CDH20: variants seen among roughly 807,000 people sequenced by gnomAD.
The protein encoded by CDH20 is cadherin-20.
Under a neutral mutation model 74.2 loss-of-function variants are expected in CDH20, and 29 were observed. That is an observed-to-expected ratio of 0.39 (90% CI 0.29 to 0.53). CDH20 has a LOEUF of 0.53. Ranked by LOEUF, CDH20 falls within the 20% of genes least tolerant of loss-of-function variation. The pLI, the probability that CDH20 is intolerant of heterozygous loss-of-function variation, is 0.69. For missense variants in CDH20, 988 were observed against 1,048.3 expected (o/e 0.94, Z 0.79); for synonymous variants, 469 against 405.4 (o/e 1.16, Z -1.88).
In CDH20 at chr18:61,555,641, G is replaced by C. The variant is rs1913603939; in HGVS notation, c.*946G>C. ...AGATAACCTACTTGAACAAAAATCA[G>C]TATTATAGAGAATAAATGGATGTAA... On this transcript the variant is annotated 3_prime_UTR_variant, in exon 12 of 12. Coordinates refer to ENST00000262717, the MANE Select transcript of CDH20 (RefSeq NM_031891.4). 1 of 982,752 alleles carries C rather than the reference G, an allele frequency of 1.0e-6. No individual in the cohort carries two copies. Among genetic ancestry groups the C allele is most frequent in the Non-Finnish European group, 1.2e-6 (1 of 827,534 alleles). The allele number at this position is 982,752 out of a possible 1,614,324, so 60.9% of individuals were successfully genotyped here. A position where few individuals can be genotyped will look rare whatever the true frequency, so the allele number is the denominator to read the frequency against.
chr18:61,468,949 CA>C (rs1436783096), intron 1 of CDH20, among the ~76,000 whole-genome samples: 4 of 152,158 alleles, frequency 2.6e-5, no homozygotes, highest in Admixed American at 1.3e-4. Flanking sequence ...ATTCATCCCA[CA>C]AATCTCAACA....
intron 1 of CDH20, among the ~76,000 whole-genome samples, chr18:61,348,765 G>T (rs142810254): frequency 6.3e-4 from 96 of 152,284 alleles, no homozygotes; most frequent in African/African-American, 2.3e-3. Context: ...AGAAGAAAAG[G>T]AACATTCGGA....
At position 61,536,554 on chromosome 18, in the gene CDH20, GC is replaced by G; in HGVS notation, c.1336del (p.Leu446Ter). The G allele has an allele frequency of 6.2e-7, 1 of 1,613,268 alleles. No homozygotes were observed. The highest frequency in any genetic ancestry group is 8.5e-7 in the Non-Finnish European group (1 of 1,179,258). The part of the protein sequence containing the change: ...RFFYVDITTG[A>X]LMTARPLDRE... The stretch of plus-strand genomic sequence containing the variant: ...TTTCTATGTTGACATTACAACAGGT[GC>G]CCTAATGACAGCAAGACCCCTAGAC... On this transcript the variant is annotated frameshift_variant, in exon 8 of 12. Transcript: ENST00000262717. LOFTEE classifies it high-confidence loss of function.
chr18:61,341,680 T>C (rs1454919322), intron 1 of CDH20, among the ~76,000 whole-genome samples: 1 of 152,218 alleles, frequency 6.6e-6, no homozygotes, highest in Non-Finnish European at 1.5e-5. Context: ...GTAGGCTTTT[T>C]TGGAATATTA....
chr18:61,529,344 C>T (rs973809667), intron 7 of CDH20, among the ~76,000 whole-genome samples: 2 of 152,272 alleles, frequency 1.3e-5, no homozygotes, highest in East Asian at 1.9e-4. Context: ...TTAATGAAAA[C>T]GTGCTTCTGT....
chr18:61,386,358 C>A (rs560564604), intron 1 of CDH20, among the ~76,000 whole-genome samples: 1 of 152,250 alleles, frequency 6.6e-6, no homozygotes, highest in South Asian at 2.1e-4. Flanking sequence ...GAGAGAGACA[C>A]TCTCACCCTT....
chr18:61,435,729 T>C (rs1181246441), intron 1 of CDH20, among the ~76,000 whole-genome samples: 2 of 148,850 alleles, frequency 1.3e-5, no homozygotes, highest in Non-Finnish European at 3.0e-5. Flanking sequence ...AATTATAACA[T>C]AAATATAAAA....
intron 1 of CDH20, among the ~76,000 whole-genome samples, chr18:61,391,102 G>T (rs898352578): frequency 6.6e-6 from 1 of 151,992 alleles, no homozygotes; most frequent in Non-Finnish European, 1.5e-5. Context: ...ATGACAAAGG[G>T]TTACAAAAAA....
At chr18:61,363,434 T>TG (rs2144139221) in intron 1 of CDH20, among the ~76,000 whole-genome samples, 2 of 152,218 alleles carry the variant, frequency 1.3e-5, no homozygotes, top group South Asian at 4.1e-4. Flanking sequence ...TAACTTATAG[T>TG]GGGGGAAAAA....
At chr18:61,512,808 C>T (rs542742503) in intron 6 of CDH20, among the ~76,000 whole-genome samples, 15 of 151,938 alleles carry the variant, frequency 9.9e-5, no homozygotes, top group East Asian at 7.7e-4. Context: ...TGTAGTTGAG[C>T]GGTTTTGAGT....
intron 9 of CDH20, among the ~76,000 whole-genome samples, chr18:61,539,425 G>A (rs918575465): frequency 1.1e-4 from 16 of 152,206 alleles, no homozygotes; most frequent in East Asian, 1.9e-4. Flanking sequence ...GGGCAACATC[G>A]TGAGACCCAA....
At chr18:61,399,023 T>C (rs1199206139) in intron 1 of CDH20, among the ~76,000 whole-genome samples, 1 of 152,152 alleles carries the variant, frequency 6.6e-6, no homozygotes, top group East Asian at 1.9e-4. Context: ...CATGGGTAAA[T>C]GAGAGTCCCT....
intron 11 of CDH20, 90 bp from the exon 12 acceptor site, chr18:61,554,100 C>T: frequency 6.7e-7 from 1 of 1,483,052 alleles, no homozygotes; most frequent in Non-Finnish European, 9.2e-7. Flanking sequence ...TAGCCCTTCC[C>T]CTATCCGTGG....
chr18:61,385,744 A>C (rs1322749003), intron 1 of CDH20, among the ~76,000 whole-genome samples: 2 of 152,118 alleles, frequency 1.3e-5, no homozygotes, highest in African/African-American at 4.8e-5. Context: ...CAGCTGGCCA[A>C]CATGGTGAAA....
chr18:61,475,359 G>A (rs887167823), intron 1 of CDH20, among the ~76,000 whole-genome samples: 10 of 152,120 alleles, frequency 6.6e-5, no homozygotes, highest in African/African-American at 1.9e-4. Flanking sequence ...CCAATCTTTG[G>A]GCTAGAATAA....
chr18:61,397,159 G>A lies in CDH20; in HGVS notation c.-153+63332G>A, dbSNP rs542902095. 3.9e-5 allele frequency among the ~76,000 whole-genome samples: 6 copies of A among 152,126 alleles called. No homozygotes were observed. In the South Asian group the frequency reaches 1.3e-3, roughly 32 times the overall value. On this transcript the variant is annotated intron_variant, in intron 1 of 11. Transcript: ENST00000262717. Reference sequence around the variant, plus strand: ...GATTGCCCAACCTCAGTATCTTCTGGATTCTTGGGGGTTGACTCCTTCCCT... The same window carrying A: ...GATTGCCCAACCTCAGTATCTTCTGAATTCTTGGGGGTTGACTCCTTCCCT...
intron 1 of CDH20, among the ~76,000 whole-genome samples, chr18:61,345,223 A>G (rs939491178): frequency 1.3e-5 from 2 of 152,156 alleles, no homozygotes; most frequent in Non-Finnish European, 2.9e-5. Flanking sequence ...ATGCACTTAA[A>G]CGTTTATGGA....
intron 1 of CDH20, among the ~76,000 whole-genome samples, chr18:61,454,306 T>C (rs1227996554): frequency 1.3e-5 from 2 of 152,156 alleles, no homozygotes; most frequent in African/African-American, 4.8e-5. Context: ...ACACAGACAG[T>C]AGAGATACAG....
chr18:61,452,622 AAT>A (rs1335290467), intron 1 of CDH20, among the ~76,000 whole-genome samples: 1 of 152,180 alleles, frequency 6.6e-6, no homozygotes. Flanking sequence ...AGGCATTTCT[AAT>A]ATGTTTTTTA....
Sources: gnomAD v4.1 joint callset for allele counts (sites outside exome capture counted in the v4.1 genomes callset) on GRCh38, gnomAD v4.1.1 for gene constraint, MANE v1.5 for transcripts, NCBI Gene and HGNC (gene_info 2026-07-23, HGNC 2026-07-21) for gene names.